The following FSTL5 variants were observed in gnomAD, a reference collection of about 807,000 sequenced individuals.
The protein encoded by FSTL5 is follistatin like 5.
A neutral mutation model predicts 89.1 loss-of-function variants in FSTL5; 62 were observed. That is an observed-to-expected ratio of 0.70 (90% CI 0.57 to 0.86). The LOEUF (loss-of-function observed/expected upper bound fraction) is 0.86, where lower values mean the gene tolerates loss of function less well. FSTL5 is among the 40% of genes least tolerant of loss of function. The pLI, the probability that FSTL5 is intolerant of heterozygous loss-of-function variation, is 0.00. For missense variants in FSTL5, 1,057 were observed against 1,001.6 expected (o/e 1.06, Z -0.75); for synonymous variants, 383 against 346.2 (o/e 1.11, Z -1.18).
chr4:161,558,026 G>C (rs752275367), intron 8 of FSTL5, among the ~76,000 whole-genome samples: 3 of 151,740 alleles, frequency 2.0e-5, no homozygotes, highest in Non-Finnish European at 4.4e-5. Flanking sequence ...ACTCTTTTAC[G>C]TACATACCAT....
chr4:161,410,845 C>G (rs1038621964), intron 15 of FSTL5, among the ~76,000 whole-genome samples: 5 of 151,034 alleles, frequency 3.3e-5, no homozygotes, highest in African/African-American at 9.7e-5. Flanking sequence ...CAAATAAACC[C>G]CCAAGCTAGC....
chr4:161,760,601 A>C (rs1312718552), intron 5 of FSTL5, among the ~76,000 whole-genome samples: 3 of 152,206 alleles, frequency 2.0e-5, no homozygotes, highest in South Asian at 4.1e-4. Context: ...CAGGTGTAAG[A>C]CATAACATAC....
chr4:161,410,022 G>A (rs1731534372), intron 15 of FSTL5, among the ~76,000 whole-genome samples: 1 of 152,096 alleles, frequency 6.6e-6, no homozygotes, highest in Non-Finnish European at 1.5e-5. Context: ...CAGGCTAAAA[G>A]TAAATGAGTG....
At chr4:161,458,925 A>G (rs1422018650) in intron 14 of FSTL5, among the ~76,000 whole-genome samples, 2 of 152,212 alleles carry the variant, frequency 1.3e-5, no homozygotes, top group African/African-American at 4.8e-5. Context: ...AAAATTGTTA[A>G]AAAGTAAATT....
At chr4:161,751,480 C>G (rs1002624798) in intron 6 of FSTL5, among the ~76,000 whole-genome samples, 1 of 152,080 alleles carries the variant, frequency 6.6e-6, no homozygotes, top group Admixed American at 6.6e-5. Flanking sequence ...TAGCTATGAA[C>G]TCTAACATAA....
intron 2 of FSTL5, among the ~76,000 whole-genome samples, chr4:162,038,712 C>T (rs1476741217): frequency 2.6e-5 from 4 of 151,792 alleles, no homozygotes; most frequent in Admixed American, 2.0e-4. Context: ...TATGTTATAA[C>T]GTGAAAACGG....
At position 161,680,765 on chromosome 4, in the gene FSTL5, G is replaced by T. The variant is rs934109904; in HGVS notation, c.728-24271C>A. 4.0e-5 allele frequency among the ~76,000 whole-genome samples: 6 copies of T among 151,718 alleles called. 1 individual carries two copies. The highest frequency in any genetic ancestry group is 7.4e-5 in the Non-Finnish European group (5 of 67,824). On this transcript the variant is annotated intron_variant, in intron 6 of 15. Transcript: ENST00000306100. Reference sequence around the variant, plus strand: ...GTGAGAAAATATCTGGAAAACATTTGTCAAGTAACAAATTTATGAAAGATT... The same window carrying T: ...GTGAGAAAATATCTGGAAAACATTTTTCAAGTAACAAATTTATGAAAGATT...
At chr4:161,866,118 T>G (rs1732079226) in intron 4 of FSTL5, among the ~76,000 whole-genome samples, 1 of 152,228 alleles carries the variant, frequency 6.6e-6, no homozygotes, top group South Asian at 2.1e-4. Flanking sequence ...GTTATTAGTT[T>G]GTCTCCAGAA....
At position 162,111,296 on chromosome 4, in the gene FSTL5, T is replaced by C; in HGVS notation, c.101A>G (p.Gln34Arg). The C allele has an allele frequency of 6.2e-7, 1 of 1,611,592 alleles. No individual in the cohort carries two copies. The highest frequency in any genetic ancestry group is 8.5e-7 in the Non-Finnish European group (1 of 1,178,266). The change falls in exon 2 of 16, where the codon CAG becomes CGG. Residue 34 changes from glutamine (Q) to arginine (R), a missense_variant. By Grantham distance (43) the Gln-to-Arg change is conservative. Coordinates refer to ENST00000306100, the MANE Select transcript of FSTL5 (RefSeq NM_020116.5). ...KEGGYGLKSY[Q>R]PLMRLRHKQE... ...CTTATGTCGCAATCTCATTAGAGGC[T>C]GATAGGATTTAAGGCCATATCCTCC...
Position 161,559,479 on chromosome 4 carries a change from A to G in FSTL5, c.1016-16786T>C, listed in dbSNP as rs147264041. Among the ~76,000 whole-genome samples the G allele has an allele frequency of 4.9e-3, 748 of 151,866 alleles. 7 individuals are homozygous for G. Among genetic ancestry groups the G allele is most frequent in the African/African-American group, 0.017 (702 of 41,450 alleles). ...TTTCAAATGTACATTTTAGTTTTAA[A>G]ATTGTCACTTCTAATTTCATTATTT... is the stretch of plus-strand genomic sequence containing the variant. On this transcript the variant is annotated intron_variant, in intron 8 of 15. Coordinates refer to ENST00000306100, the MANE Select transcript of FSTL5 (RefSeq NM_020116.5).
intron 10 of FSTL5, among the ~76,000 whole-genome samples, chr4:161,523,316 G>C (rs1159402757): frequency 1.3e-5 from 2 of 152,074 alleles, no homozygotes; most frequent in African/African-American, 4.8e-5. Flanking sequence ...ACCTGTACCA[G>C]TCTTATGTAT....
chr4:162,002,969 C>T (rs746565647), intron 3 of FSTL5, among the ~76,000 whole-genome samples: 1 of 151,846 alleles, frequency 6.6e-6, no homozygotes, highest in African/African-American at 2.4e-5. Context: ...ACAGTGAAAC[C>T]CCGTCTCTAA....
At chr4:162,078,215 C>G (rs1054090211) in intron 2 of FSTL5, among the ~76,000 whole-genome samples, 1 of 151,742 alleles carries the variant, frequency 6.6e-6, no homozygotes, top group African/African-American at 2.4e-5. Flanking sequence ...TTCTGAAGGT[C>G]TCTCCTTTAT....
intron 8 of FSTL5, among the ~76,000 whole-genome samples, chr4:161,579,320 T>A (rs183970326): frequency 3.9e-4 from 60 of 151,936 alleles, no homozygotes; most frequent in African/African-American, 1.4e-3. Flanking sequence ...CTGACAAAAA[T>A]TTTAAAAAAA....
At chr4:161,501,437 G>T (rs1198268327) in intron 11 of FSTL5, among the ~76,000 whole-genome samples, 3 of 151,824 alleles carry the variant, frequency 2.0e-5, no homozygotes, top group African/African-American at 7.3e-5. Context: ...ATATTCCTAA[G>T]ATTTAGAGAA....
intron 6 of FSTL5, among the ~76,000 whole-genome samples, chr4:161,747,411 T>C (rs1740236835): frequency 2.0e-5 from 3 of 152,186 alleles, no homozygotes; most frequent in African/African-American, 7.2e-5. Context: ...AAGTACAATA[T>C]GCCATATACT....
intron 3 of FSTL5, among the ~76,000 whole-genome samples, chr4:162,000,559 C>G (rs1736433153): frequency 6.7e-6 from 1 of 150,228 alleles, no homozygotes; most frequent in Non-Finnish European, 1.5e-5. Context: ...GATCGCCCCA[C>G]GATACTCCAG....
At chr4:161,493,747 T>G (rs1729963019) in intron 12 of FSTL5, among the ~76,000 whole-genome samples, 1 of 152,144 alleles carries the variant, frequency 6.6e-6, no homozygotes, top group Admixed American at 6.6e-5. Flanking sequence ...TACATGTGTA[T>G]AAGTGAGCCC....
At chr4:162,127,749 A>G (rs1022248772) in intron 1 of FSTL5, among the ~76,000 whole-genome samples, 6 of 152,162 alleles carry the variant, frequency 3.9e-5, no homozygotes, top group African/African-American at 1.4e-4. Flanking sequence ...AAGACAGAAA[A>G]GAAAAAAAAA....
Sources: gnomAD v4.1 joint callset for allele counts (sites outside exome capture counted in the v4.1 genomes callset) on GRCh38, gnomAD v4.1.1 for gene constraint, MANE v1.5 for transcripts, NCBI Gene and HGNC (gene_info 2026-07-23, HGNC 2026-07-21) for gene names.